GRID2: variants seen among roughly 807,000 people sequenced by gnomAD.
The protein encoded by GRID2 is glutamate ionotropic receptor delta type subunit 2.
A neutral mutation model predicts 114.8 loss-of-function variants in GRID2; 33 were observed. The ratio of observed to expected loss-of-function variants is 0.29; its 90% CI spans 0.22 to 0.38. The LOEUF is 0.38. GRID2 is among the 10% of genes least tolerant of loss of function. The pLI is 1.00. For synonymous variants in GRID2, 505 were observed against 449.9 expected, an observed-to-expected ratio of 1.12 and a Z score of -1.55; for missense variants, 1,184 against 1,257.7, an observed-to-expected ratio of 0.94 and a Z score of 0.89.
intron 14 of GRID2, among the ~76,000 whole-genome samples, chr4:93,630,988 C>A (rs1203150579): frequency 6.6e-6 from 1 of 152,048 alleles, no homozygotes; most frequent in Non-Finnish European, 1.5e-5. Flanking sequence ...CATAATAACC[C>A]GTGAGGTAAA....
intron 4 of GRID2, among the ~76,000 whole-genome samples, chr4:93,120,543 A>G (rs1733686473): frequency 6.6e-6 from 1 of 152,170 alleles, no homozygotes; most frequent in Middle Eastern, 3.2e-3. Context: ...GGAGTTGAAT[A>G]ATGAGCACAC....
At chr4:92,819,677 G>T (rs774921701) in intron 2 of GRID2, among the ~76,000 whole-genome samples, 1 of 152,072 alleles carries the variant, frequency 6.6e-6, no homozygotes, top group African/African-American at 2.4e-5. Flanking sequence ...GGAAATATTT[G>T]ACTACCAACT....
intron 15 of GRID2, among the ~76,000 whole-genome samples, chr4:93,770,964 C>G (rs952145519): frequency 2.0e-5 from 3 of 151,946 alleles, no homozygotes; most frequent in Non-Finnish European, 2.9e-5. Context: ...GAAGGAAAAA[C>G]AGTGATGCAC....
intron 2 of GRID2, among the ~76,000 whole-genome samples, chr4:92,659,858 G>A (rs1324716404): frequency 6.6e-6 from 1 of 151,370 alleles, no homozygotes; most frequent in African/African-American, 2.4e-5. Flanking sequence ...TAAGCAGCAT[G>A]TGGAAAGACT....
chr4:92,623,980 A>G (rs540726686), intron 2 of GRID2, among the ~76,000 whole-genome samples: 18 of 151,926 alleles, frequency 1.2e-4, no homozygotes, highest in African/African-American at 4.3e-4. Flanking sequence ...ACTTCCTAGA[A>G]TTTACTATGT....
chr4:93,804,465 C>T (rs902156418), intron 1 of GRID2, among the ~76,000 whole-genome samples: 7 of 151,340 alleles, frequency 4.6e-5, no homozygotes, highest in African/African-American at 1.7e-4. Flanking sequence ...AATTGTAACA[C>T]AATGGTAAGT....
chr4:93,219,111 A>G (rs1471813868), intron 6 of GRID2, among the ~76,000 whole-genome samples: 3 of 152,168 alleles, frequency 2.0e-5, no homozygotes, highest in South Asian at 4.1e-4. Flanking sequence ...TTAACTGGTC[A>G]TGGATATAAT....
chr4:93,728,874 G>T (rs1730204355), intron 14 of GRID2, among the ~76,000 whole-genome samples: 2 of 152,072 alleles, frequency 1.3e-5, no homozygotes, highest in Admixed American at 6.5e-5. Flanking sequence ...TTGAGCCTAT[G>T]TGTGTCTCTG....
chr4:92,863,870 C>T (rs962644079), intron 2 of GRID2, among the ~76,000 whole-genome samples: 2 of 152,022 alleles, frequency 1.3e-5, no homozygotes, highest in Non-Finnish European at 2.9e-5. Flanking sequence ...TCTATGACCT[C>T]AATTAGAGTG....
At chr4:93,779,692 G>T (rs1168435972) in intron 1 of GRID2, among the ~76,000 whole-genome samples, 1 of 152,156 alleles carries the variant, frequency 6.6e-6, no homozygotes, top group African/African-American at 2.4e-5. Context: ...AATAACATAG[G>T]CTGCATGGAA....
At chr4:93,579,127 T>A (rs1736723038) in intron 13 of GRID2, among the ~76,000 whole-genome samples, 1 of 152,162 alleles carries the variant, frequency 6.6e-6, no homozygotes, top group South Asian at 2.1e-4. Context: ...GACATGTACA[T>A]TTTTAGAATT....
chr4:93,146,203 C>T (rs1204650932), intron 4 of GRID2, among the ~76,000 whole-genome samples: 1 of 152,038 alleles, frequency 6.6e-6, no homozygotes, highest in African/African-American at 2.4e-5. Context: ...TATTTATATT[C>T]TTGTAATTAA....
At chr4:93,788,977 A>T (rs939293886) in intron 1 of GRID2, among the ~76,000 whole-genome samples, 1 of 152,196 alleles carries the variant, frequency 6.6e-6, no homozygotes, top group Non-Finnish European at 1.5e-5. Flanking sequence ...ATGGAACAAC[A>T]AATCATTTTT....
chr4:92,439,485 G>T (rs533080629), intron 1 of GRID2, among the ~76,000 whole-genome samples: 1 of 152,110 alleles, frequency 6.6e-6, no homozygotes, highest in African/African-American at 2.4e-5. Flanking sequence ...TTAGGGGGTG[G>T]TATGGAGAGA....
intron 2 of GRID2, among the ~76,000 whole-genome samples, chr4:92,771,373 A>G (rs1222287744): frequency 2.0e-5 from 3 of 152,062 alleles, no homozygotes; most frequent in Admixed American, 6.6e-5. Context: ...TCTTTTTCAC[A>G]TGTGACTCCC....
intron 2 of GRID2, among the ~76,000 whole-genome samples, chr4:92,598,766 T>G (rs1729067766): frequency 2.0e-5 from 3 of 152,154 alleles, no homozygotes; most frequent in African/African-American, 7.2e-5. Context: ...GATGGGTTCC[T>G]CCACTAATCT....
chr4:92,626,165 G>A (rs1053081088), intron 2 of GRID2, among the ~76,000 whole-genome samples: 4 of 151,982 alleles, frequency 2.6e-5, no homozygotes. Context: ...AATGAAGATA[G>A]TATTAATCCT....
At chr4:93,182,587 CA>C (rs1205984888) in intron 4 of GRID2, among the ~76,000 whole-genome samples, 1 of 152,150 alleles carries the variant, frequency 6.6e-6, no homozygotes. Flanking sequence ...TATCAGAAGT[CA>C]AAATAGTTTT....
At chr4:93,126,744 C>T (rs1734308702) in intron 4 of GRID2, among the ~76,000 whole-genome samples, 2 of 150,180 alleles carry the variant, frequency 1.3e-5, no homozygotes, top group Admixed American at 6.7e-5. Flanking sequence ...ACTACAGGCG[C>T]CCGCTACCAC....
Sources: allele counts gnomAD v4.1 joint callset (sites outside exome capture counted in the v4.1 genomes callset), GRCh38; gene constraint gnomAD v4.1.1; transcripts MANE v1.5; gene names NCBI Gene and HGNC (gene_info 2026-07-23, HGNC 2026-07-21).